The following GSN variants were observed in gnomAD, a reference collection of about 807,000 sequenced individuals.
GSN encodes actin-depolymerizing factor.
GSN carries 56 observed loss-of-function variants against 85.7 expected under a neutral mutation model. The ratio of observed to expected loss-of-function variants is 0.65; its 90% CI spans 0.53 to 0.82. GSN has a LOEUF of 0.82. GSN is among the 40% of genes least tolerant of loss of function. GSN has a pLI of 0.00. For missense variants in GSN, 857 were observed against 979.8 expected (o/e 0.87, Z 1.67); for synonymous variants, 373 against 399.1 (o/e 0.93, Z 0.78).
At chr9:121,262,346 G>C (rs1291867331) in intron 6 of GSN, among the ~76,000 whole-genome samples, 1 of 152,126 alleles carries the variant, frequency 6.6e-6, no homozygotes, top group Non-Finnish European at 1.5e-5. Flanking sequence ...TATCCTTTTT[G>C]AGCCTATTTA....
chr9:121,220,240 A>G (rs988922873), intron 4 of GSN, among the ~76,000 whole-genome samples: 1 of 152,060 alleles, frequency 6.6e-6, no homozygotes, highest in Non-Finnish European at 1.5e-5. Context: ...CCAAACTTTC[A>G]CTATTTTCTG....
chr9:121,310,461 G>C, intron 4 of GSN: 1 of 588,194 alleles, frequency 1.7e-6, no homozygotes, highest in South Asian at 1.9e-5. Flanking sequence ...GTGTGGCCTT[G>C]GGCAAATTTT....
intron 4 of GSN, among the ~76,000 whole-genome samples, chr9:121,228,997 A>T (rs993460251): frequency 6.6e-6 from 1 of 152,206 alleles, no homozygotes; most frequent in Non-Finnish European, 1.5e-5. Context: ...CTACATAATC[A>T]TGATGCCATT....
chr9:121,281,564 T>A lies in GSN; in HGVS notation c.-10+2T>A, dbSNP rs201499751. ...CTTCACCCTGCACAGCCTTGTTAGG[T>A]AGGTAGAGCAATACAGACACCTGTC... On this transcript the variant is annotated splice_donor_variant, in intron 2 of 17. Coordinates refer to ENST00000432226, the MANE Select transcript of GSN (RefSeq NM_198252.3). LOFTEE classifies it low-confidence loss of function (5UTR_SPLICE). 75 of 463,986 alleles carry A rather than the reference T, an allele frequency of 1.6e-4. No homozygotes were observed. The highest frequency in any genetic ancestry group is 2.7e-4 in the Non-Finnish European group (61 of 223,302). The allele number at this position is 463,986 out of a possible 1,614,324, so 28.7% of individuals were successfully genotyped here.
intron 4 of GSN, among the ~76,000 whole-genome samples, chr9:121,305,455 A>G (rs2060302264): frequency 6.6e-6 from 1 of 152,186 alleles, no homozygotes; most frequent in African/African-American, 2.4e-5. Context: ...CCATTTTATA[A>G]ATGAGGCTAC....
the GSN span, among the ~76,000 whole-genome samples, chr9:121,202,166 G>A: frequency 6.6e-6 from 1 of 152,364 alleles, no homozygotes. Context: ...CTGGTGGGGT[G>A]CGCCTGCGTC....
rs1355688870 is a variant in GSN, at chr9:121,310,816, G to A, written c.484G>A (p.Gly162Ser). Reference sequence around the variant, plus strand: ...TGTGTCCTGGGAGAGCTTCAACAATGGCGACTGCTTCATCCTGGACCTGGG... The same window carrying A: ...TGTGTCCTGGGAGAGCTTCAACAATAGCGACTGCTTCATCCTGGACCTGGG... ...VPVSWESFNN[G>S]DCFILDLGNN... The change falls in exon 5 of 18, where the codon GGC becomes AGC. Residue 162 changes from glycine (G) to serine (S), a missense_variant. By Grantham distance (56) the Gly-to-Ser change is moderately conservative. Coordinates refer to ENST00000432226, the MANE Select transcript of GSN (RefSeq NM_198252.3). 1 of 1,614,132 alleles carries A rather than the reference G, an allele frequency of 6.2e-7. No homozygotes were observed. The highest frequency in any genetic ancestry group is 8.5e-7 in the Non-Finnish European group (1 of 1,180,016).
At chr9:121,213,351 A>G (rs375381699) in intron 4 of GSN, among the ~76,000 whole-genome samples, 1 of 152,154 alleles carries the variant, frequency 6.6e-6, no homozygotes, top group Non-Finnish European at 1.5e-5. Flanking sequence ...TTCTGGTATC[A>G]AAACGACAAA....
chr9:121,251,091 A>G (rs1015030199), intron 6 of GSN, among the ~76,000 whole-genome samples: 1 of 148,982 alleles, frequency 6.7e-6, no homozygotes, highest in African/African-American at 2.5e-5. Context: ...ATCCCAGCAT[A>G]CTGAGATTAC....
At chr9:121,331,896 A>T (rs2063952883) in intron 17 of GSN, 1 of 191,926 alleles carries the variant, frequency 5.2e-6, no homozygotes, top group African/African-American at 2.4e-5. Context: ...TCTAGAAAAA[A>T]TACAAAAAAA....
At chr9:121,231,037 A>G (rs1366429301) in intron 4 of GSN, 1 of 152,176 alleles carries the variant, frequency 6.6e-6, no homozygotes. Flanking sequence ...CTAACGCTAA[A>G]ACCAAAGGGT....
rs1051993391 is a variant in GSN, at chr9:121,321,395, A to G, written c.1319A>G (p.Tyr440Cys). The change falls in exon 11 of 18, where the codon TAT (tyrosine) becomes TGT (cysteine). Residue 440 changes from tyrosine to cysteine, a missense_variant. Tyr to Cys is a radical substitution (Grantham distance 194). Coordinates refer to ENST00000432226, the MANE Select transcript of GSN (RefSeq NM_198252.3). ...GGTGGCCGCCAGGGGCAGATAATCT[A>G]TAACTGGTGAGGTTCTGGGGCCATT... ...RHGGRQGQIIYNWQGAQSTQD... is the reference protein window; with the variant it reads ...RHGGRQGQIICNWQGAQSTQD... 7 of 1,614,000 alleles carry G rather than the reference A, an allele frequency of 4.3e-6. No homozygotes were observed. Among genetic ancestry groups the G allele is most frequent in the Non-Finnish European group, 5.9e-6 (7 of 1,179,898 alleles).
rs779625954 is a variant in GSN, at chr9:121,331,358, T to G, written c.1966-30T>G. On this transcript the variant is annotated intron_variant, in intron 16 of 17. Transcript: ENST00000432226. The stretch of plus-strand genomic sequence containing the variant: ...CCGTGAATTTGATCAGCACTCCTCA[T>G]GTACCTTTCCTGTTGCATCTCACCT... The G allele has an allele frequency of 5.4e-6, 8 of 1,494,184 alleles. No individual in the cohort carries two copies. In the East Asian group the frequency reaches 1.1e-4, roughly 21 times the overall value. The allele number at this position is 1,494,184 out of a possible 1,614,324, so 92.6% of individuals were successfully genotyped here.
At chr9:121,322,363 C>G (rs928460404) in intron 11 of GSN, among the ~76,000 whole-genome samples, 1 of 152,222 alleles carries the variant, frequency 6.6e-6, no homozygotes, top group East Asian at 1.9e-4. Flanking sequence ...TACATAGAGA[C>G]AGAGAGCTTT....
At position 121,314,017 on chromosome 9, in the gene GSN, C is replaced by A; in HGVS notation, c.747C>A (p.Leu249=). ...CGGCCAACCGCAAGCTGGCCAAGCT[C>A]TACAAGGTGAGCACCAGATGCACTG... ...EDAANRKLAK[L]YKVSNGAGTM... Residue 249 remains leucine, a synonymous_variant, in exon 7 of 18, where the codon CTC becomes CTA. Transcript: ENST00000432226. The A allele has an allele frequency of 6.2e-7, 1 of 1,613,000 alleles. No homozygotes were observed. Among genetic ancestry groups the A allele is most frequent in the Non-Finnish European group, 8.5e-7 (1 of 1,178,932 alleles).
intron 16 of GSN, among the ~76,000 whole-genome samples, chr9:121,330,707 G>C (rs2063790224): frequency 6.6e-6 from 1 of 152,192 alleles, no homozygotes; most frequent in African/African-American, 2.4e-5. Flanking sequence ...TAAATAATGT[G>C]TAATAGAACT....
chr9:121,331,378 T>C lies in GSN; in HGVS notation c.1966-10T>C. Reference sequence around the variant, plus strand: ...CCTCATGTACCTTTCCTGTTGCATCTCACCTCCAGGTCTTTGTCTGGGTTG... The same window carrying C: ...CCTCATGTACCTTTCCTGTTGCATCCCACCTCCAGGTCTTTGTCTGGGTTG... On this transcript the variant is annotated splice_polypyrimidine_tract_variant and intron_variant, in intron 16 of 17. Coordinates refer to ENST00000432226, the MANE Select transcript of GSN (RefSeq NM_198252.3). 6.3e-7 allele frequency: 1 copy of C among 1,588,224 alleles called. No individual in the cohort carries two copies. The highest frequency in any genetic ancestry group is 1.1e-5 in the South Asian group (1 of 89,716).
At chr9:121,327,042 C>T (rs1274721866) in intron 13 of GSN, 1 of 667,646 alleles carries the variant, frequency 1.5e-6, no homozygotes, top group Non-Finnish European at 2.8e-6. Context: ...GGGAATGGGA[C>T]TCTCACCTCC....
chr9:121,228,273 A>G (rs377526520), intron 4 of GSN, among the ~76,000 whole-genome samples: 11 of 151,880 alleles, frequency 7.2e-5, no homozygotes, highest in Non-Finnish European at 1.5e-4. Context: ...TGAATGAATC[A>G]TAAACGATAC....
Sources: allele counts gnomAD v4.1 joint callset (sites outside exome capture counted in the v4.1 genomes callset), GRCh38; gene constraint gnomAD v4.1.1; transcripts MANE v1.5; gene names NCBI Gene and HGNC (gene_info 2026-07-23, HGNC 2026-07-21).